The following KCNJ6 variants were observed in gnomAD, a reference collection of about 807,000 sequenced individuals.
The protein encoded by KCNJ6 is G protein-activated inward rectifier potassium channel 2.
Under a neutral mutation model 34.2 loss-of-function variants are expected in KCNJ6, and 9 were observed. That is an observed-to-expected ratio of 0.26 (90% CI 0.16 to 0.46). The LOEUF (loss-of-function observed/expected upper bound fraction) is 0.46. Ranked by LOEUF, KCNJ6 falls within the 20% of genes least tolerant of loss-of-function variation. The probability of loss-of-function intolerance (pLI) is 1.00; values close to 1 mark genes in which losing one functional copy is unlikely to be tolerated. For missense variants in KCNJ6, 236 were observed against 531.3 expected, an observed-to-expected ratio of 0.44 and a Z score of 5.46; for synonymous variants, 196 against 207.1, an observed-to-expected ratio of 0.95 and a Z score of 0.46.
chr21:37,776,060 C>G (rs2055140703), intron 2 of KCNJ6, among the ~76,000 whole-genome samples: 1 of 152,154 alleles, frequency 6.6e-6, no homozygotes, highest in South Asian at 2.1e-4. Flanking sequence ...TTGAAGAGGT[C>G]CTTCACATCC....
At chr21:37,677,044 A>G (rs1284881037) in intron 3 of KCNJ6, among the ~76,000 whole-genome samples, 1 of 152,236 alleles carries the variant, frequency 6.6e-6, no homozygotes, top group Non-Finnish European at 1.5e-5. Flanking sequence ...CGTTGCACTC[A>G]GGAGTCTAAC....
At chr21:37,831,177 T>C (rs1408554504) in intron 2 of KCNJ6, among the ~76,000 whole-genome samples, 2 of 152,174 alleles carry the variant, frequency 1.3e-5, no homozygotes, top group Admixed American at 6.5e-5. Context: ...AGGAAGCAAT[T>C]ATCCTTGAGT....
chr21:37,799,460 G>A (rs564324590), intron 2 of KCNJ6, among the ~76,000 whole-genome samples: 49 of 152,242 alleles, frequency 3.2e-4, no homozygotes, highest in Non-Finnish European at 5.3e-4. Flanking sequence ...AGAGGAAGGG[G>A]TGAATTCCTT....
intron 2 of KCNJ6, among the ~76,000 whole-genome samples, chr21:37,751,677 A>G (rs1038008472): frequency 7.9e-5 from 12 of 152,180 alleles, no homozygotes; most frequent in Admixed American, 1.3e-4. Flanking sequence ...ACCAAAAGTG[A>G]TCCGGGCACT....
Position 37,762,878 on chromosome 21 carries a change from C to T in KCNJ6, c.26-47747G>A, listed in dbSNP as rs114465825. On this transcript the variant is annotated intron_variant, in intron 2 of 3. Coordinates refer to ENST00000609713, the MANE Select transcript of KCNJ6 (RefSeq NM_002240.5). ...TGGCATGGGCCTGTCTGCAACACGC[C>T]CCAGCTGTTCCTAATGGGCAGCCCG... is the stretch of plus-strand genomic sequence containing the variant. Among the ~76,000 whole-genome samples the T allele has an allele frequency of 2.2e-3, 334 of 152,296 alleles. 1 individual carries two copies. The highest frequency in any genetic ancestry group is 7.7e-3 in the African/African-American group (322 of 41,556).
intron 3 of KCNJ6, among the ~76,000 whole-genome samples, chr21:37,652,479 G>A (rs1403040693): frequency 1.3e-5 from 2 of 152,212 alleles, no homozygotes; most frequent in African/African-American, 4.8e-5. Flanking sequence ...TTGTGGAAGC[G>A]AAGGAGGGTT....
chr21:37,732,663 A>G (rs1393135296), intron 2 of KCNJ6, among the ~76,000 whole-genome samples: 2 of 152,200 alleles, frequency 1.3e-5, no homozygotes, highest in East Asian at 3.9e-4. Flanking sequence ...AGAATAGTCA[A>G]TCCAAACCCT....
chr21:37,712,440 C>A (rs1035323914), intron 3 of KCNJ6, among the ~76,000 whole-genome samples: 10 of 149,440 alleles, frequency 6.7e-5, no homozygotes, highest in Non-Finnish European at 1.2e-4. Flanking sequence ...TCTCTTTCCT[C>A]CCTCCTCCCC....
chr21:37,870,138 C>G (rs557674958), intron 1 of KCNJ6, among the ~76,000 whole-genome samples: 1 of 152,162 alleles, frequency 6.6e-6, no homozygotes, highest in Non-Finnish European at 1.5e-5. Flanking sequence ...CCAGATGATA[C>G]ATTTTCCCTT....
In KCNJ6 at chr21:37,617,169, TTTCCTTCCTTCCTTCCTTCCTTCCTTCC is replaced by T. The variant is rs368033744; in HGVS notation, c.*7962_*7989del. 2 of 93,950 alleles carry T rather than the reference TTTCCTTCCTTCCTTCCTTCCTTCCTTCC, an allele frequency of 2.1e-5. No homozygotes were observed. The highest frequency in any genetic ancestry group is 2.9e-4 in the East Asian group (1 of 3,426). The allele number at this position is 93,950 out of a possible 1,614,324, so 5.8% of individuals were successfully genotyped here. On this transcript the variant is annotated 3_prime_UTR_variant, in exon 4 of 4. Coordinates refer to ENST00000609713, the MANE Select transcript of KCNJ6 (RefSeq NM_002240.5). The stretch of plus-strand genomic sequence containing the variant: ...CTTCCTTCCTTCTTTCTTTATCTTT[TTTCCTTCCTTCCTTCCTTCCTTCCTTCC>T]TTCCTTCCTTCCTTCCTTCCTTCTT...
rs1269999336 is a variant in KCNJ6 at position 37,622,280 on chromosome 21, G to C, written c.*2879C>G. On this transcript the variant is annotated 3_prime_UTR_variant, in exon 4 of 4. Coordinates refer to ENST00000609713, the MANE Select transcript of KCNJ6 (RefSeq NM_002240.5). ...CTTTTAAAAAATTCTCATTGCACTT[G>C]GTTTGCTAATGGAGTGACTGAGGGA... is the stretch of plus-strand genomic sequence containing the variant. The C allele has an allele frequency of 1.3e-5, 2 of 152,112 alleles. No homozygotes were observed. The highest frequency in any genetic ancestry group is 1.5e-5 in the Non-Finnish European group (1 of 68,028). 9.4% of individuals were successfully genotyped at this position (152,112 alleles called of 1,614,324 possible).
intron 2 of KCNJ6, among the ~76,000 whole-genome samples, chr21:37,805,061 C>A (rs1399987562): frequency 6.6e-6 from 1 of 151,996 alleles, no homozygotes; most frequent in Non-Finnish European, 1.5e-5. Flanking sequence ...GAAATATTCA[C>A]AACAGGAAAT....
intron 3 of KCNJ6, among the ~76,000 whole-genome samples, chr21:37,643,069 G>C (rs2054388356): frequency 6.6e-6 from 1 of 152,122 alleles, no homozygotes; most frequent in East Asian, 1.9e-4. Context: ...GGTGGTGGGG[G>C]GGACAGCTTA....
chr21:37,630,662 A>G (rs1457582988), intron 3 of KCNJ6, among the ~76,000 whole-genome samples: 1 of 152,190 alleles, frequency 6.6e-6, no homozygotes, highest in Non-Finnish European at 1.5e-5. Flanking sequence ...TATGTATTTG[A>G]CAAGTAAAAA....
At chr21:37,780,385 T>C (rs1214124425) in intron 2 of KCNJ6, among the ~76,000 whole-genome samples, 1 of 152,216 alleles carries the variant, frequency 6.6e-6, no homozygotes, top group African/African-American at 2.4e-5. Context: ...GATAATGTAA[T>C]GGTGGCTACT....
intron 3 of KCNJ6, among the ~76,000 whole-genome samples, chr21:37,667,629 G>T (rs774997797): frequency 3.1e-4 from 25 of 79,878 alleles, no homozygotes; most frequent in African/African-American, 7.9e-4. Context: ...AGCAGGCACC[G>T]GGGTAGCAGG....
intron 3 of KCNJ6, among the ~76,000 whole-genome samples, chr21:37,653,143 T>C (rs112042514): frequency 2.4e-3 from 364 of 152,202 alleles, no homozygotes; most frequent in Middle Eastern, 0.017. Flanking sequence ...GCTGACATTT[T>C]CTCCAGTGAT....
chr21:37,856,977 C>T (rs2055568543), intron 1 of KCNJ6, among the ~76,000 whole-genome samples: 2 of 152,184 alleles, frequency 1.3e-5, no homozygotes, highest in Non-Finnish European at 2.9e-5. Context: ...AAATGCATTG[C>T]TTGTGGCTCT....
chr21:37,809,910 C>T (rs879507728), intron 2 of KCNJ6, among the ~76,000 whole-genome samples: 1 of 152,234 alleles, frequency 6.6e-6, no homozygotes, highest in Non-Finnish European at 1.5e-5. Context: ...CACAAAGTGG[C>T]AGAAGCCTGA....
Sources: allele counts gnomAD v4.1 joint callset (sites outside exome capture counted in the v4.1 genomes callset), GRCh38; gene constraint gnomAD v4.1.1; transcripts MANE v1.5; gene names NCBI Gene and HGNC (gene_info 2026-07-23, HGNC 2026-07-21).